Variants in TUT4 observed in about 807,000 individuals in gnomAD.
TUT4 encodes the protein terminal uridylyl transferase 4.
Under a neutral mutation model 192.2 loss-of-function variants are expected in TUT4, and 36 were observed. The ratio of observed to expected loss-of-function variants is 0.19; its 90% CI spans 0.14 to 0.25. The LOEUF (loss-of-function observed/expected upper bound fraction) is 0.25, where lower values mean the gene tolerates loss of function less well. TUT4 is among the 10% of genes least tolerant of loss of function. The pLI, the probability that TUT4 is intolerant of heterozygous loss-of-function variation, is 1.00. For synonymous variants in TUT4, 618 were observed against 666.0 expected (o/e 0.93, Z 1.11); for missense variants, 1,493 against 1,957.2 (o/e 0.76, Z 4.47).
intron 1 of TUT4, among the ~76,000 whole-genome samples, chr1:52,548,021 A>C (rs929363743): frequency 2.6e-5 from 4 of 152,158 alleles, no homozygotes; most frequent in Admixed American, 6.5e-5. Flanking sequence ...TCTCAAAGAA[A>C]AAAGGGGAAA....
chr1:52,441,444 A>ATTTTTTTTTTTTTTTTTTTT (rs557710242), intron 24 of TUT4, among the ~76,000 whole-genome samples: 2 of 119,984 alleles, frequency 1.7e-5, no homozygotes, highest in African/African-American at 7.3e-5. Flanking sequence ...TCTCGGCTAA[A>ATTTTTTTTTTTTTTTTTTTT]TTTTTTTTTT....
chr1:52,461,896 C>T, intron 16 of TUT4, 127 bp from the exon 17 acceptor site: 1 of 590,036 alleles, frequency 1.7e-6, no homozygotes, highest in Admixed American at 3.3e-5. Flanking sequence ...CCTTGCTACT[C>T]CAAGTAAGTG....
intron 2 of TUT4, among the ~76,000 whole-genome samples, chr1:52,525,306 A>C (rs143328660): frequency 9.8e-5 from 15 of 152,314 alleles, no homozygotes; most frequent in African/African-American, 3.6e-4. Context: ...GTACCAACTA[A>C]AGAAGATACT....
intron 4 of TUT4, among the ~76,000 whole-genome samples, chr1:52,509,152 T>A (rs1676424696): frequency 6.6e-6 from 1 of 152,204 alleles, no homozygotes; most frequent in Non-Finnish European, 1.5e-5. Context: ...AAACCTCCCC[T>A]GTTCTAGATC....
rs561468243 is a variant in TUT4, at chr1:52,496,423, G to C, written c.1177+583C>G. ...ATTCTTTCTTATAAATCTCAAAATG[G>C]ATCTATATGAAAGTATAATTTATCA... On this transcript the variant is annotated intron_variant, in intron 5 of 29. Transcript: ENST00000257177. 3.3e-5 allele frequency among the ~76,000 whole-genome samples: 5 copies of C among 151,778 alleles called. No homozygotes were observed. In the East Asian group the frequency reaches 9.7e-4, roughly 29 times the overall value.
rs574404348 is a variant in TUT4 at position 52,520,810 on chromosome 1, G to T, written c.718+4753C>A. ...TCTATATTTTATTTTCTTTTTTTTT[G>T]AGATGGAGTTTCGCTCTTGGTGTCC... is the stretch of plus-strand genomic sequence containing the variant. On this transcript the variant is annotated intron_variant, in intron 2 of 29. Coordinates refer to ENST00000257177, the MANE Select transcript of TUT4 (RefSeq NM_001009881.3). 4.0e-5 allele frequency among the ~76,000 whole-genome samples: 6 copies of T among 149,380 alleles called. No individual in the cohort carries two copies. In the East Asian group the frequency reaches 7.8e-4, roughly 19 times the overall value.
rs80037484 is a variant in TUT4, at chr1:52,521,990, A to T, written c.718+3573T>A. 7.2e-5 allele frequency among the ~76,000 whole-genome samples: 11 copies of T among 152,312 alleles called. No individual in the cohort carries two copies. The East Asian group carries it at 2.1e-3, about 29-fold the overall frequency. On this transcript the variant is annotated intron_variant, in intron 2 of 29. Coordinates refer to ENST00000257177, the MANE Select transcript of TUT4 (RefSeq NM_001009881.3). ...CAAAAAAAAAGATAATGATCTAGATATAAAGGTTTTACTGTATTTATTTCA... is the reference window on the plus strand; with the variant it reads ...CAAAAAAAAAGATAATGATCTAGATTTAAAGGTTTTACTGTATTTATTTCA...
Position 52,474,841 on chromosome 1 carries a change from G to C in TUT4, c.2718C>G (p.Thr906=). 1 of 1,598,982 alleles carries C rather than the reference G, an allele frequency of 6.3e-7. No individual in the cohort carries two copies. The highest frequency in any genetic ancestry group is 8.5e-7 in the Non-Finnish European group (1 of 1,173,818). ...ACAAACTGTATCCTACCTTGCCAGAGGTTAAAATAAACTTATCAAACACAT... is the reference window on the plus strand; with the variant it reads ...ACAAACTGTATCCTACCTTGCCAGACGTTAAAATAAACTTATCAAACACAT... ...LYYVFDKFIL[T]SGKPPTIVCS... Residue 906 remains threonine (T), a synonymous_variant, in exon 13 of 30, where the codon ACC becomes ACG. Coordinates refer to ENST00000257177, the MANE Select transcript of TUT4 (RefSeq NM_001009881.3).
chr1:52,492,006 T>C (rs1671281766), intron 7 of TUT4, among the ~76,000 whole-genome samples: 2 of 152,178 alleles, frequency 1.3e-5, no homozygotes, highest in Admixed American at 1.3e-4. Context: ...AAGCCTACAT[T>C]GTATGACTTA....
chr1:52,430,009 A>G (rs1413870422), intron 28 of TUT4, among the ~76,000 whole-genome samples: 1 of 151,284 alleles, frequency 6.6e-6, no homozygotes, highest in Non-Finnish European at 1.5e-5. Flanking sequence ...TGTATCAACT[A>G]TTTTCTTAAA....
In TUT4 at chr1:52,459,320, G is replaced by A. The variant is rs1250479251; in HGVS notation, c.3322-871C>T. The stretch of plus-strand genomic sequence containing the variant: ...AAAGAACAAGGAAGCCAGACATGGT[G>A]GCTCATGCCTGTCATCTCAGCACTT... On this transcript the variant is annotated intron_variant, in intron 19 of 29. Coordinates refer to ENST00000257177, the MANE Select transcript of TUT4 (RefSeq NM_001009881.3). Among the ~76,000 whole-genome samples the A allele has an allele frequency of 2.0e-5, 3 of 151,492 alleles. No individual in the cohort carries two copies. The East Asian group carries it at 5.9e-4, about 30-fold the overall frequency.
At chr1:52,517,257 T>C (rs2149377485) in intron 2 of TUT4, among the ~76,000 whole-genome samples, 1 of 152,372 alleles carries the variant, frequency 6.6e-6, no homozygotes, top group East Asian at 1.9e-4. Context: ...TTCTTGATGC[T>C]AATGACCGGG....
chr1:52,431,555 C>T (rs1450737935), intron 27 of TUT4, 95 bp from the exon 28 acceptor site: 17 of 1,038,196 alleles, frequency 1.6e-5, no homozygotes, highest in African/African-American at 3.2e-5. Flanking sequence ...CTTTATAAAA[C>T]AGAACTCTAT....
Position 52,458,468 on chromosome 1 carries a change from GA to G in TUT4, c.3322-20del. 6.3e-7 allele frequency: 1 copy of G among 1,582,206 alleles called. No individual in the cohort carries two copies. Among genetic ancestry groups the G allele is most frequent in the Non-Finnish European group, 8.7e-7 (1 of 1,154,454 alleles). ...CACATCGCTAAAAAACAACATGATT[GA>G]AAACAAAACTTCAGAGTCTTACTCC... On this transcript the variant is annotated intron_variant, in intron 19 of 29. Coordinates refer to ENST00000257177, the MANE Select transcript of TUT4 (RefSeq NM_001009881.3).
intron 10 of TUT4, 70 bp downstream of exon 10, chr1:52,481,734 T>C (rs1332255412): frequency 4.4e-5 from 68 of 1,545,818 alleles, no homozygotes; most frequent in Admixed American, 8.7e-5. Context: ...CTTAAAATGT[T>C]TGAGCAGAGT....
intron 4 of TUT4, among the ~76,000 whole-genome samples, chr1:52,499,615 A>T (rs775287162): frequency 6.6e-6 from 1 of 152,132 alleles, no homozygotes; most frequent in African/African-American, 2.4e-5. Flanking sequence ...GCCTACCTCC[A>T]GTCCCACCTA....
chr1:52,483,600 A>T (rs1010789091), intron 9 of TUT4, among the ~76,000 whole-genome samples: 1 of 152,102 alleles, frequency 6.6e-6, no homozygotes, highest in African/African-American at 2.4e-5. Context: ...ACTTAAGGTC[A>T]GGAGTTCGAG....
chr1:52,460,639 C>A (rs1662291903), intron 19 of TUT4, among the ~76,000 whole-genome samples: 1 of 152,178 alleles, frequency 6.6e-6, no homozygotes. Context: ...ACAAAGCAGG[C>A]ACTACAATGA....
At chr1:52,461,400 G>A in intron 18 of TUT4, 113 bp downstream of exon 18, 1 of 1,189,528 alleles carries the variant, frequency 8.4e-7, no homozygotes, top group South Asian at 1.6e-5. Flanking sequence ...AAGATAACTA[G>A]TAAAATACTT....
Sources: allele counts gnomAD v4.1 joint callset (sites outside exome capture counted in the v4.1 genomes callset), GRCh38; gene constraint gnomAD v4.1.1; transcripts MANE v1.5; gene names NCBI Gene and HGNC (gene_info 2026-07-23, HGNC 2026-07-21).